TENM2: variants seen among roughly 807,000 people sequenced by gnomAD.
TENM2 encodes the protein teneurin transmembrane protein 2.
In TENM2, 52 loss-of-function variants were observed where a neutral mutation model predicts 245.2. That is an observed-to-expected ratio of 0.21 (90% confidence interval 0.17 to 0.27). TENM2 has a LOEUF of 0.27. Among genes scored for constraint, TENM2 ranks in the 10% least tolerant of loss-of-function variants. The pLI, the probability that TENM2 is intolerant of heterozygous loss-of-function variation, is 1.00. For synonymous variants in TENM2, 1,363 were observed against 1,438.9 expected (o/e 0.95, Z 1.19); for missense variants, 3,046 against 3,666.8 (o/e 0.83, Z 4.37).
At chr5:168,112,700 T>C (rs1234833388) in intron 9 of TENM2, among the ~76,000 whole-genome samples, 1 of 151,902 alleles carries the variant, frequency 6.6e-6, no homozygotes, top group Non-Finnish European at 1.5e-5. Flanking sequence ...TGACACTGGT[T>C]TGCTCAGCAC....
intron 2 of TENM2, among the ~76,000 whole-genome samples, chr5:167,732,459 G>C (rs1298245754): frequency 1.3e-5 from 2 of 152,130 alleles, no homozygotes; most frequent in African/African-American, 4.8e-5. Flanking sequence ...GGGAAGAAAA[G>C]AACTGGATAC....
intron 2 of TENM2, among the ~76,000 whole-genome samples, chr5:167,407,685 C>T (rs989986924): frequency 2.0e-4 from 31 of 152,044 alleles, no homozygotes; most frequent in Non-Finnish European, 1.6e-4. Context: ...GGTGTGGTGG[C>T]ACACACCTGT....
intron 2 of TENM2, among the ~76,000 whole-genome samples, chr5:167,437,460 C>G (rs1764629646): frequency 6.6e-6 from 1 of 152,112 alleles, no homozygotes; most frequent in Non-Finnish European, 1.5e-5. Context: ...GGACTTGCCT[C>G]ATCTCAGATG....
intron 1 of TENM2, among the ~76,000 whole-genome samples, chr5:167,316,922 C>CA (rs965249582): frequency 2.0e-5 from 3 of 152,092 alleles, no homozygotes; most frequent in East Asian, 1.9e-4. Flanking sequence ...AGACTGTTGC[C>CA]AAAAAAAGAG....
At chr5:167,088,649 G>GAA in the TENM2 span, among the ~76,000 whole-genome samples, 24 of 149,194 alleles carry the variant, frequency 1.6e-4, no homozygotes, top group Middle Eastern at 3.4e-3. Flanking sequence ...AAAGAAAAAA[G>GAA]AAAAAAAAAC....
At chr5:167,875,941 G>A (rs774225334) in intron 2 of TENM2, 45 bp from the exon 5 acceptor site, 9 of 1,371,786 alleles carry the variant, frequency 6.6e-6, no homozygotes, top group Middle Eastern at 4.6e-4. Context: ...GGGTGCTCTC[G>A]TGACACTCAT....
At chr5:168,088,040 C>T (rs776643489) in intron 7 of TENM2, among the ~76,000 whole-genome samples, 14 of 152,170 alleles carry the variant, frequency 9.2e-5, no homozygotes, top group Non-Finnish European at 1.9e-4. Flanking sequence ...CTGGGCTGGA[C>T]GGTGAGCACT....
intron 2 of TENM2, among the ~76,000 whole-genome samples, chr5:167,588,580 C>T (rs2127700215): frequency 6.6e-6 from 1 of 152,260 alleles, no homozygotes; most frequent in African/African-American, 2.4e-5. Context: ...CTTTTTAAAT[C>T]CATTTCTGTT....
the TENM2 span, among the ~76,000 whole-genome samples, chr5:167,005,655 G>GTTTTTTT: frequency 7.6e-5 from 4 of 52,974 alleles, no homozygotes; most frequent in Admixed American, 3.5e-4. Flanking sequence ...CTGTGTGTGG[G>GTTTTTTT]TTTTTTTTTT....
At chr5:167,081,733 A>G in the TENM2 span, among the ~76,000 whole-genome samples, 2 of 152,324 alleles carry the variant, frequency 1.3e-5, no homozygotes, top group Non-Finnish European at 2.9e-5. Flanking sequence ...CCAGGATGTT[A>G]CACAGGAATT....
intron 2 of TENM2, among the ~76,000 whole-genome samples, chr5:167,847,063 C>T (rs1408252844): frequency 6.6e-6 from 1 of 152,266 alleles, no homozygotes; most frequent in Admixed American, 6.5e-5. Flanking sequence ...CTCAAGCCAT[C>T]CTCCCACCTC....
rs78108040 is a variant in TENM2, at chr5:167,628,841, T to C, written c.503-247145T>C. Reference sequence around the variant, plus strand: ...TGTTACTATTGCTAATATTCTGCAGTTGACCATTCATTCTTACTTTCTTTA... The same window carrying C: ...TGTTACTATTGCTAATATTCTGCAGCTGACCATTCATTCTTACTTTCTTTA... On this transcript the variant is annotated intron_variant, in intron 2 of 28. Coordinates refer to ENST00000518659, the Ensembl canonical transcript of TENM2. 3.8e-4 allele frequency among the ~76,000 whole-genome samples: 58 copies of C among 152,364 alleles called. 1 individual carries two copies. In the East Asian group the frequency reaches 0.011, roughly 29 times the overall value.
the TENM2 span, among the ~76,000 whole-genome samples, chr5:167,138,391 A>G: frequency 4.4e-3 from 673 of 152,310 alleles, 7 homozygotes; most frequent in African/African-American, 0.014. Context: ...AGTGAATTCA[A>G]TGACTTCATG....
intron 3 of TENM2, among the ~76,000 whole-genome samples, chr5:167,914,705 C>T (rs1776797294): frequency 6.6e-6 from 1 of 152,076 alleles, no homozygotes. Context: ...GGCCATGCTC[C>T]CTGAGCCTCT....
intron 5 of TENM2, among the ~76,000 whole-genome samples, chr5:168,034,774 A>C (rs1055326232): frequency 1.3e-5 from 2 of 152,074 alleles, no homozygotes; most frequent in African/African-American, 4.8e-5. Context: ...CCTATCTCAA[A>C]GAAAATAAAT....
intron 2 of TENM2, among the ~76,000 whole-genome samples, chr5:167,411,638 G>A (rs1401219188): frequency 6.6e-6 from 1 of 150,710 alleles, no homozygotes; most frequent in African/African-American, 2.4e-5. Context: ...GAGATAATGA[G>A]GACCAATTTA....
chr5:167,101,852 TATATATATA>T, the TENM2 span, among the ~76,000 whole-genome samples: 1 of 110,888 alleles, frequency 9.0e-6, no homozygotes, highest in African/African-American at 3.6e-5. Flanking sequence ...TATATATTTA[TATATATATA>T]TATATATATA....
At chr5:168,204,673 C>T in intron 19 of TENM2, 52 bp downstream of exon 21, 1 of 1,592,532 alleles carries the variant, frequency 6.3e-7, no homozygotes. Context: ...CCCATAACTC[C>T]TGAGTTTGAT....
intron 2 of TENM2, among the ~76,000 whole-genome samples, chr5:167,808,739 A>T (rs926695231): frequency 1.1e-4 from 17 of 152,272 alleles, no homozygotes; most frequent in East Asian, 9.6e-4. Flanking sequence ...GTAGGATTTT[A>T]AAAAGTGTAT....
Sources: allele counts gnomAD v4.1 joint callset (sites outside exome capture counted in the v4.1 genomes callset), GRCh38; gene constraint gnomAD v4.1.1; transcripts MANE v1.5; gene names NCBI Gene and HGNC (gene_info 2026-07-23, HGNC 2026-07-21).